Variants in KIF16B observed in about 807,000 individuals in gnomAD.
KIF16B encodes the protein kinesin family member 16B, also known as kinesin-like protein KIF16B.
In KIF16B, 98 loss-of-function variants were observed where a neutral mutation model predicts 156.3. The observed-to-expected ratio is 0.63, with a 90% CI of 0.53 to 0.74. The LOEUF (loss-of-function observed/expected upper bound fraction) is 0.74, where lower values mean the gene tolerates loss of function less well. Ranked by LOEUF, KIF16B falls within the 30% of genes least tolerant of loss-of-function variation. The probability of loss-of-function intolerance (pLI) is 0.00; values close to 1 mark genes in which losing one functional copy is unlikely to be tolerated. For synonymous variants in KIF16B, 564 were observed against 583.7 expected (o/e 0.97, Z 0.49); for missense variants, 1,421 against 1,606.5 (o/e 0.88, Z 1.97).
At chr20:16,500,798 A>G (rs1273327465) in intron 10 of KIF16B, among the ~76,000 whole-genome samples, 1 of 152,176 alleles carries the variant, frequency 6.6e-6, no homozygotes, top group African/African-American at 2.4e-5. Context: ...AAGTTTACAC[A>G]TGATACTTTT....
chr20:16,391,306 C>T (rs80335747), intron 17 of KIF16B, among the ~76,000 whole-genome samples: 15,923 of 152,164 alleles, frequency 0.1, 1,012 homozygotes, highest in Non-Finnish European at 0.15. Context: ...TTCTGCCTCC[C>T]CTGCCCATGA....
intron 11 of KIF16B, 28 bp downstream of exon 11, chr20:16,497,585 T>A (rs2068489191): frequency 6.4e-7 from 1 of 1,553,098 alleles, no homozygotes; most frequent in Non-Finnish European, 8.9e-7. Context: ...AGTTATGATT[T>A]AAAAATATAA....
chr20:16,368,310 C>T (rs1016066204), intron 22 of KIF16B: 6 of 994,514 alleles, frequency 6.0e-6, no homozygotes, highest in African/African-American at 3.5e-5. Flanking sequence ...GGTAAGGCGC[C>T]GCACCCTCTG....
chr20:16,341,264 G>A (rs2064135142), intron 23 of KIF16B, among the ~76,000 whole-genome samples: 1 of 152,288 alleles, frequency 6.6e-6, no homozygotes, highest in South Asian at 2.1e-4. Flanking sequence ...TGAATGAAAT[G>A]ATGTCATTTG....
chr20:16,532,198 A>G (rs2069784287), intron 1 of KIF16B, among the ~76,000 whole-genome samples: 1 of 151,736 alleles, frequency 6.6e-6, no homozygotes, highest in Non-Finnish European at 1.5e-5. Context: ...AAAACCTTTT[A>G]GAGATACATA....
intron 15 of KIF16B, among the ~76,000 whole-genome samples, chr20:16,406,746 C>T (rs2065796591): frequency 6.6e-6 from 1 of 151,956 alleles, no homozygotes; most frequent in Middle Eastern, 3.2e-3. Flanking sequence ...ACTTAACAGA[C>T]ATATAATTAG....
intron 12 of KIF16B, among the ~76,000 whole-genome samples, chr20:16,484,389 T>G (rs2068061387): frequency 2.0e-5 from 3 of 152,186 alleles, no homozygotes; most frequent in Admixed American, 2.0e-4. Flanking sequence ...CCCTGTTAAT[T>G]ATCAAGTCCC....
At chr20:16,465,838 C>T (rs750821734) in intron 12 of KIF16B, among the ~76,000 whole-genome samples, 147 of 152,000 alleles carry the variant, frequency 9.7e-4, no homozygotes, top group Non-Finnish European at 1.8e-3. Context: ...TCTCTTTCTT[C>T]TCTTTTCTTC....
chr20:16,537,271 C>A (rs1275861164), intron 1 of KIF16B, among the ~76,000 whole-genome samples: 2 of 152,158 alleles, frequency 1.3e-5, no homozygotes, highest in African/African-American at 4.8e-5. Context: ...AGCACTATAT[C>A]CTGCCCCATC....
At chr20:16,492,944 T>C (rs1311560443) in intron 12 of KIF16B, among the ~76,000 whole-genome samples, 1 of 152,164 alleles carries the variant, frequency 6.6e-6, no homozygotes, top group Non-Finnish European at 1.5e-5. Context: ...CCAACACCTC[T>C]TACAGGGAAT....
At chr20:16,516,581 C>G (rs1421912610) in intron 3 of KIF16B, among the ~76,000 whole-genome samples, 1 of 152,164 alleles carries the variant, frequency 6.6e-6, no homozygotes, top group South Asian at 2.1e-4. Flanking sequence ...TCTGTCAGCT[C>G]CAGATGAAGG....
chr20:16,525,431 C>T (rs918049525), intron 3 of KIF16B, among the ~76,000 whole-genome samples: 14 of 152,122 alleles, frequency 9.2e-5, no homozygotes, highest in African/African-American at 3.4e-4. Flanking sequence ...AGCTTTTCCC[C>T]ACCCCGAGAA....
chr20:16,565,391 A>G (rs2071215045), intron 1 of KIF16B, among the ~76,000 whole-genome samples: 1 of 152,200 alleles, frequency 6.6e-6, no homozygotes, highest in Non-Finnish European at 1.5e-5. Flanking sequence ...GGAATATAAC[A>G]TCTTAGTAGT....
Position 16,517,438 on chromosome 20 carries a change from T to C in KIF16B, c.232-1774A>G, listed in dbSNP as rs958264346. On this transcript the variant is annotated intron_variant, in intron 3 of 25. Coordinates refer to ENST00000354981, the MANE Select transcript of KIF16B (RefSeq NM_024704.5). ...CTTTCTAAGCACTTTCGTGTGTTCA[T>C]GTATAATTCTCATCAAAACGCTACA... Among the ~76,000 whole-genome samples the C allele has an allele frequency of 7.2e-5, 11 of 152,202 alleles. No individual in the cohort carries two copies. In the South Asian group the frequency reaches 1.0e-3, roughly 14 times the overall value.
intron 23 of KIF16B, among the ~76,000 whole-genome samples, chr20:16,344,889 G>A (rs2064203315): frequency 1.3e-5 from 2 of 152,192 alleles, no homozygotes; most frequent in African/African-American, 2.4e-5. Flanking sequence ...AAATGATGCT[G>A]TTGCTACATT....
chr20:16,298,378 C>G (rs896141718), intron 25 of KIF16B, among the ~76,000 whole-genome samples: 1 of 152,234 alleles, frequency 6.6e-6, no homozygotes, highest in South Asian at 2.1e-4. Flanking sequence ...AGCTATACGA[C>G]TGACTGCATG....
At chr20:16,279,645 T>A (rs1032142810) in intron 25 of KIF16B, among the ~76,000 whole-genome samples, 1 of 152,034 alleles carries the variant, frequency 6.6e-6, no homozygotes, top group Non-Finnish European at 1.5e-5. Flanking sequence ...TAGGAAAAGG[T>A]CGATCCTAGG....
intron 24 of KIF16B, among the ~76,000 whole-genome samples, chr20:16,334,598 C>G (rs1401500859): frequency 6.6e-6 from 1 of 152,048 alleles, no homozygotes. Context: ...AAATATGATC[C>G]CCAATGTTGG....
Position 16,512,903 on chromosome 20 carries a change from A to G in KIF16B, c.369T>C (p.Pro123=). ...GACTGAAGAGTCCTTCACAGATCCG[A>G]GGTATTAAGCCAGAATCTCCCTGCA... The part of the protein sequence containing the change: ...MGNSGDSGLI[P]RICEGLFSRI... The change falls in exon 5 of 26, where the codon CCT becomes CCC. Residue 123 remains proline, a synonymous_variant. Coordinates refer to ENST00000354981, the MANE Select transcript of KIF16B (RefSeq NM_024704.5). The G allele has an allele frequency of 5.0e-6, 8 of 1,612,628 alleles. No homozygotes were observed. Among genetic ancestry groups the G allele is most frequent in the Non-Finnish European group, 6.8e-6 (8 of 1,178,664 alleles).
Sources: gnomAD v4.1 joint callset for allele counts (sites outside exome capture counted in the v4.1 genomes callset) on GRCh38, gnomAD v4.1.1 for gene constraint, MANE v1.5 for transcripts, NCBI Gene and HGNC (gene_info 2026-07-23, HGNC 2026-07-21) for gene names.